TPST1: variants seen among roughly 807,000 people sequenced by gnomAD.
The protein encoded by TPST1 is tyrosylprotein sulfotransferase 1.
TPST1 carries 20 observed loss-of-function variants against 34.8 expected under a neutral mutation model. The ratio of observed to expected loss-of-function variants is 0.57; its 90% CI spans 0.40 to 0.84. TPST1 has a LOEUF of 0.84. TPST1 is among the 40% of genes least tolerant of loss of function. TPST1 has a pLI of 0.00. For missense variants in TPST1, 353 were observed against 455.5 expected (o/e 0.78, Z 2.05); for synonymous variants, 152 against 159.4 (o/e 0.95, Z 0.35).
chr7:66,312,091 C>T (rs1056879511), intron 3 of TPST1, among the ~76,000 whole-genome samples: 2 of 152,232 alleles, frequency 1.3e-5, no homozygotes, highest in African/African-American at 4.8e-5. Context: ...TGTGTACAAG[C>T]ACAAATTGCA....
chr7:66,215,681 T>C (rs1057118812), intron 1 of TPST1, among the ~76,000 whole-genome samples: 9 of 150,892 alleles, frequency 6.0e-5, no homozygotes, highest in Admixed American at 4.0e-4. Flanking sequence ...CCTCCTAATA[T>C]ATATTTTTAA....
chr7:66,238,408 C>CTTTTTT (rs370723283), intron 1 of TPST1, among the ~76,000 whole-genome samples: 2 of 131,914 alleles, frequency 1.5e-5, no homozygotes, highest in Admixed American at 7.6e-5. Flanking sequence ...ACAGCACTGG[C>CTTTTTT]TTTTTTTTTT....
At chr7:66,286,394 CAAT>C in intron 2 of TPST1, 114 bp from the exon 3 acceptor site, 1 of 789,578 alleles carries the variant, frequency 1.3e-6, no homozygotes, top group Non-Finnish European at 1.8e-6. Flanking sequence ...CCCTCTTTCT[CAAT>C]TGTTTTGTAA....
At chr7:66,320,874 A>G (rs554072672) in intron 3 of TPST1, among the ~76,000 whole-genome samples, 2 of 152,344 alleles carry the variant, frequency 1.3e-5, no homozygotes, top group South Asian at 4.1e-4. Flanking sequence ...CTGGGATTAC[A>G]GTTGTGAGCC....
intron 2 of TPST1, among the ~76,000 whole-genome samples, chr7:66,253,495 C>CT (rs1307312104): frequency 6.6e-6 from 1 of 151,668 alleles, no homozygotes; most frequent in African/African-American, 2.4e-5. Context: ...CTCAATTCTC[C>CT]CGAGTAGCTG....
chr7:66,315,604 C>A (rs539370305), intron 3 of TPST1, among the ~76,000 whole-genome samples: 34 of 152,122 alleles, frequency 2.2e-4, no homozygotes, highest in Non-Finnish European at 4.7e-4. Context: ...TGTGACAAGA[C>A]AAGAAAAAGA....
chr7:66,227,104 A>G (rs1789674223), intron 1 of TPST1, among the ~76,000 whole-genome samples: 1 of 132,170 alleles, frequency 7.6e-6, no homozygotes, highest in South Asian at 2.3e-4. Context: ...TGCAGTCTCA[A>G]CTCACTGCAA....
chr7:66,240,890 T>C lies in TPST1; in HGVS notation c.465T>C (p.Tyr155=). ...TTAAGCATGGGGAGCCAGCCCCTTA[T>C]TTATGTAATAAAGATCCTTTTGCCC... ...IIVKHGEPAP[Y]LCNKDPFALK... is the part of the protein sequence containing the mutation. Residue 155 remains tyrosine (Y), a synonymous_variant, in exon 2 of 6, where the codon TAT becomes TAC. Coordinates refer to ENST00000304842, the MANE Select transcript of TPST1 (RefSeq NM_003596.4). 6.2e-7 allele frequency: 1 copy of C among 1,614,210 alleles called. No individual in the cohort carries two copies. Among genetic ancestry groups the C allele is most frequent in the South Asian group, 1.1e-5 (1 of 91,086 alleles).
chr7:66,206,144 A>G (rs1349645988), intron 1 of TPST1, among the ~76,000 whole-genome samples: 4 of 87,796 alleles, frequency 4.6e-5, no homozygotes, highest in South Asian at 7.1e-4. Context: ...TTTTTTTTTG[A>G]GAGATGGAGT....
intron 1 of TPST1, among the ~76,000 whole-genome samples, chr7:66,230,985 T>C (rs1327673984): frequency 1.4e-4 from 21 of 145,184 alleles, no homozygotes; most frequent in South Asian, 4.5e-4. Context: ...GATTGGTGCA[T>C]TCACAAACCC....
intron 2 of TPST1, among the ~76,000 whole-genome samples, chr7:66,264,815 C>T (rs1360935273): frequency 6.6e-6 from 1 of 151,866 alleles, no homozygotes; most frequent in African/African-American, 2.4e-5. Flanking sequence ...CTGAGGAAGC[C>T]CAGACGTTAG....
At chr7:66,217,966 G>A (rs1337953444) in intron 1 of TPST1, among the ~76,000 whole-genome samples, 2 of 151,902 alleles carry the variant, frequency 1.3e-5, no homozygotes, top group Non-Finnish European at 2.9e-5. Context: ...TGTAACCTCT[G>A]CCTCCCGGAT....
At chr7:66,272,439 C>T (rs569932214) in intron 2 of TPST1, among the ~76,000 whole-genome samples, 91 of 152,242 alleles carry the variant, frequency 6.0e-4, no homozygotes, top group Middle Eastern at 6.8e-3. Flanking sequence ...GATAAAAACT[C>T]TCAACCAAAT....
chr7:66,312,756 T>C (rs1424020375), intron 3 of TPST1, among the ~76,000 whole-genome samples: 1 of 151,600 alleles, frequency 6.6e-6, no homozygotes, highest in South Asian at 2.1e-4. Flanking sequence ...ATAGGGAGAG[T>C]ATACATTAGA....
intron 3 of TPST1, among the ~76,000 whole-genome samples, chr7:66,322,534 A>G (rs1305703113): frequency 6.6e-6 from 1 of 152,190 alleles, no homozygotes; most frequent in Non-Finnish European, 1.5e-5. Context: ...AATGTCCTCA[A>G]GTTTCATCCA....
intron 1 of TPST1, among the ~76,000 whole-genome samples, chr7:66,233,756 A>G (rs1789847396): frequency 6.6e-6 from 1 of 152,220 alleles, no homozygotes; most frequent in African/African-American, 2.4e-5. Flanking sequence ...TAAAATTCAT[A>G]TCTTTAACTT....
At chr7:66,303,045 A>G (rs12538961) in intron 3 of TPST1, among the ~76,000 whole-genome samples, 5,594 of 152,216 alleles carry the variant, frequency 0.037, 165 homozygotes, top group East Asian at 0.088. Flanking sequence ...TTTGTCCTTT[A>G]AAACTCAACT....
chr7:66,262,367 G>A (rs1790504720), intron 2 of TPST1, among the ~76,000 whole-genome samples: 3 of 152,138 alleles, frequency 2.0e-5, no homozygotes, highest in South Asian at 2.1e-4. Flanking sequence ...GAAAATTTGG[G>A]ATGCCTTTTA....
At chr7:66,307,512 C>G (rs1188761752) in intron 3 of TPST1, among the ~76,000 whole-genome samples, 1 of 152,180 alleles carries the variant, frequency 6.6e-6, no homozygotes, top group Non-Finnish European at 1.5e-5. Flanking sequence ...GGAAAGGATG[C>G]TGGTTTTTGA....
Sources: allele counts gnomAD v4.1 joint callset (sites outside exome capture counted in the v4.1 genomes callset), GRCh38; gene constraint gnomAD v4.1.1; transcripts MANE v1.5; gene names NCBI Gene and HGNC (gene_info 2026-07-23, HGNC 2026-07-21).